The following ANKRD44 variants were observed in gnomAD, a reference collection of about 807,000 sequenced individuals.
ANKRD44 encodes the protein serine/threonine-protein phosphatase 6 regulatory ankyrin repeat subunit B.
A neutral mutation model predicts 116.0 loss-of-function variants in ANKRD44; 35 were observed. That is an observed-to-expected ratio of 0.30 (90% CI 0.23 to 0.40). ANKRD44 has a LOEUF of 0.40. ANKRD44 is among the 10% of genes least tolerant of loss of function. The probability of loss-of-function intolerance (pLI) is 1.00; values close to 1 mark genes in which losing one functional copy is unlikely to be tolerated. For synonymous variants in ANKRD44, 435 were observed against 461.8 expected (o/e 0.94, Z 0.74); for missense variants, 1,014 against 1,242.6 (o/e 0.82, Z 2.77).
chr2:197,025,868 T>C (rs992081625), intron 16 of ANKRD44, among the ~76,000 whole-genome samples: 5 of 152,036 alleles, frequency 3.3e-5, no homozygotes, highest in African/African-American at 1.2e-4. Flanking sequence ...ATGATATGCA[T>C]CAAGAGAGGA....
At chr2:197,297,683 C>CA (rs1383457915) in intron 1 of ANKRD44, among the ~76,000 whole-genome samples, 1 of 152,176 alleles carries the variant, frequency 6.6e-6, no homozygotes, top group Non-Finnish European at 1.5e-5. Flanking sequence ...ATATACAACT[C>CA]ACACGGAGCA....
At chr2:197,033,481 A>G (rs1219740117) in intron 16 of ANKRD44, among the ~76,000 whole-genome samples, 1 of 152,188 alleles carries the variant, frequency 6.6e-6, no homozygotes, top group Non-Finnish European at 1.5e-5. Flanking sequence ...CCATTAAGTA[A>G]CTTGCTCAGA....
At chr2:197,059,596 T>C (rs1459650196) in intron 16 of ANKRD44, among the ~76,000 whole-genome samples, 1 of 152,232 alleles carries the variant, frequency 6.6e-6, no homozygotes, top group Non-Finnish European at 1.5e-5. Context: ...AAAGCTGTTA[T>C]TATTTTAAGC....
intron 1 of ANKRD44, among the ~76,000 whole-genome samples, chr2:197,248,801 G>A (rs1170733438): frequency 6.6e-6 from 1 of 152,102 alleles, no homozygotes; most frequent in Non-Finnish European, 1.5e-5. Flanking sequence ...CGGTGTCCAT[G>A]TGGCAGGAGA....
At chr2:196,982,108 T>TTTATATATATATATATA (rs150861089), downstream of ANKRD44, among the ~76,000 whole-genome samples, 1 of 96,550 alleles carries the variant, frequency 1.0e-5, no homozygotes, top group Admixed American at 1.1e-4. Flanking sequence ...CTAAAAAAAA[T>TTTATATATATATATATA]TATATATATA....
rs371026851 is a variant in ANKRD44 at position 197,142,713 on chromosome 2, C to A, written c.190+4314G>T. Reference sequence around the variant, plus strand: ...AAATATCAAATTCATCCTCAAAGGACGAATATTTGTTATGCATAAGGAATC... The same window carrying A: ...AAATATCAAATTCATCCTCAAAGGAAGAATATTTGTTATGCATAAGGAATC... On this transcript the variant is annotated intron_variant, in intron 3 of 27. Transcript: ENST00000282272. Among the ~76,000 whole-genome samples, 532 of 152,220 alleles carry A rather than the reference C, an allele frequency of 3.5e-3. 3 individuals are homozygous for A. The highest frequency in any genetic ancestry group is 0.012 in the African/African-American group (484 of 41,532).
intron 8 of ANKRD44, among the ~76,000 whole-genome samples, chr2:197,118,870 T>A (rs766437932): frequency 5.9e-5 from 9 of 152,234 alleles, no homozygotes; most frequent in Non-Finnish European, 1.2e-4. Context: ...ATTAGCCATT[T>A]TGATATTTGC....
intron 1 of ANKRD44, among the ~76,000 whole-genome samples, chr2:197,286,950 C>T (rs1429019671): frequency 6.6e-6 from 1 of 152,078 alleles, no homozygotes; most frequent in African/African-American, 2.4e-5. Context: ...GGTAAGCAGG[C>T]ATGAGCAGGC....
intron 3 of ANKRD44, 30 bp downstream of exon 3, chr2:197,146,997 A>C: frequency 6.3e-7 from 1 of 1,596,130 alleles, no homozygotes; most frequent in Non-Finnish European, 8.6e-7. Flanking sequence ...TTTTATTTGC[A>C]ATTGACTTTT....
intron 2 of ANKRD44, among the ~76,000 whole-genome samples, chr2:197,183,964 C>G (rs954617479): frequency 6.6e-6 from 1 of 152,136 alleles, no homozygotes; most frequent in African/African-American, 2.4e-5. Context: ...CATAGCATCC[C>G]GGATTTTTTC....
intron 16 of ANKRD44, among the ~76,000 whole-genome samples, chr2:197,051,765 T>C (rs769122915): frequency 1.3e-5 from 2 of 152,104 alleles, no homozygotes; most frequent in Non-Finnish European, 1.5e-5. Flanking sequence ...AACCAGGGCA[T>C]TGTAACCCCT....
intron 6 of ANKRD44, among the ~76,000 whole-genome samples, chr2:197,123,408 G>A (rs901511467): frequency 1.3e-5 from 2 of 152,106 alleles, no homozygotes; most frequent in Admixed American, 6.6e-5. Flanking sequence ...ATTTTACTCT[G>A]TTCCATAATT....
chr2:197,150,583 TAGA>T (rs2079619442), intron 2 of ANKRD44, among the ~76,000 whole-genome samples: 1 of 152,008 alleles, frequency 6.6e-6, no homozygotes, highest in African/African-American at 2.4e-5. Flanking sequence ...AAGAGCATCT[TAGA>T]AGTTCATGTG....
chr2:197,073,540 A>G (rs1349528036), intron 16 of ANKRD44, among the ~76,000 whole-genome samples: 1 of 152,216 alleles, frequency 6.6e-6, no homozygotes, highest in Non-Finnish European at 1.5e-5. Context: ...CCTGGCCAGC[A>G]AGTTCTGGTC....
chr2:197,242,479 G>A (rs1392467634), intron 1 of ANKRD44, among the ~76,000 whole-genome samples: 1 of 152,126 alleles, frequency 6.6e-6, no homozygotes. Flanking sequence ...AGACATCAAA[G>A]TCCATCTCCA....
chr2:197,049,028 G>T (rs2077056261), intron 16 of ANKRD44, among the ~76,000 whole-genome samples: 1 of 151,858 alleles, frequency 6.6e-6, no homozygotes, highest in African/African-American at 2.4e-5. Context: ...TTTTTGATGG[G>T]GTTTTTTTTT....
chr2:197,053,191 A>T (rs1385343499), intron 16 of ANKRD44, among the ~76,000 whole-genome samples: 1 of 152,010 alleles, frequency 6.6e-6, no homozygotes, highest in African/African-American at 2.4e-5. Context: ...ACAAAAAAAG[A>T]ACTTGAGATA....
chr2:197,160,815 C>T (rs935513251), intron 2 of ANKRD44, among the ~76,000 whole-genome samples: 1 of 152,152 alleles, frequency 6.6e-6, no homozygotes, highest in African/African-American at 2.4e-5. Flanking sequence ...TGTACCCTTT[C>T]TCTCCTCACC....
chr2:197,132,902 T>C (rs1449952562), intron 4 of ANKRD44, among the ~76,000 whole-genome samples: 1 of 152,258 alleles, frequency 6.6e-6, no homozygotes, highest in East Asian at 1.9e-4. Flanking sequence ...AAGATCTTTT[T>C]AATTCAAATA....
Sources: allele counts gnomAD v4.1 joint callset (sites outside exome capture counted in the v4.1 genomes callset), GRCh38; gene constraint gnomAD v4.1.1; transcripts MANE v1.5; gene names NCBI Gene and HGNC (gene_info 2026-07-23, HGNC 2026-07-21).